The following FOXN3 variants were observed in gnomAD, a reference collection of about 807,000 sequenced individuals.
FOXN3 encodes forkhead box protein N3.
FOXN3 carries 7 observed loss-of-function variants against 38.4 expected under a neutral mutation model. The observed-to-expected ratio is 0.18, with a 90% CI of 0.10 to 0.34. The LOEUF (loss-of-function observed/expected upper bound fraction) is 0.34. Among genes scored for constraint, FOXN3 ranks in the 10% least tolerant of loss-of-function variants. The pLI, the probability that FOXN3 is intolerant of heterozygous loss-of-function variation, is 1.00. For synonymous variants in FOXN3, 230 were observed against 242.2 expected (o/e 0.95, Z 0.47); for missense variants, 456 against 613.4 (o/e 0.74, Z 2.71).
chr14:89,204,636 C>T (rs1478383276), intron 4 of FOXN3, among the ~76,000 whole-genome samples: 2 of 152,164 alleles, frequency 1.3e-5, no homozygotes, highest in African/African-American at 2.4e-5. Context: ...TTATCTTACA[C>T]GGGCCCTTCA....
At chr14:89,208,014 G>C (rs563575698) in intron 4 of FOXN3, among the ~76,000 whole-genome samples, 1 of 152,300 alleles carries the variant, frequency 6.6e-6, no homozygotes, top group South Asian at 2.1e-4. Flanking sequence ...GAGTCTATGC[G>C]GGAGGGGACA....
At chr14:89,197,405 G>T (rs1888125240) in intron 4 of FOXN3, among the ~76,000 whole-genome samples, 1 of 152,076 alleles carries the variant, frequency 6.6e-6, no homozygotes, top group Admixed American at 6.5e-5. Context: ...CACTCGGGAG[G>T]CTGGGGCATA....
At chr14:89,370,421 T>C (rs985201592) in intron 2 of FOXN3, among the ~76,000 whole-genome samples, 1 of 152,232 alleles carries the variant, frequency 6.6e-6, no homozygotes, top group African/African-American at 2.4e-5. Context: ...TTCAGCCCTC[T>C]AGAAATATTT....
At chr14:89,490,213 T>C (rs1054379190) in intron 1 of FOXN3, among the ~76,000 whole-genome samples, 15 of 152,378 alleles carry the variant, frequency 9.8e-5, no homozygotes, top group African/African-American at 3.6e-4. Flanking sequence ...TGCCGTGTCC[T>C]CAGCGACGGC....
rs1896357580 is a variant in FOXN3, at chr14:89,609,977, G to A, written c.-15+9051C>T. Among the ~76,000 whole-genome samples the A allele has an allele frequency of 3.3e-5, 5 of 152,094 alleles. No individual in the cohort carries two copies. The South Asian group carries it at 1.0e-3, about 32-fold the overall frequency. ...TGTAACCGAGGGAGAAAAAAATGAG[G>A]GCCCTTATGGATAATTTCTGCCTAA... On this transcript the variant is annotated intron_variant, in intron 1 of 6. Coordinates refer to the FOXN3 transcript ENST00000345097.
chr14:89,325,351 ACCACCACCACTACCACCACCG>A (rs1888043757), intron 3 of FOXN3, among the ~76,000 whole-genome samples: 1 of 132,580 alleles, frequency 7.5e-6, no homozygotes, highest in African/African-American at 2.8e-5. Context: ...CACCACCACC[ACCACCACCACTACCACCACCG>A]CCACCACCAC....
chr14:89,360,786 T>TCCACCACTACCACCTCCACCA (rs1889504387), intron 2 of FOXN3, among the ~76,000 whole-genome samples: 1 of 14,630 alleles, frequency 6.8e-5, no homozygotes, highest in Non-Finnish European at 1.5e-4. Context: ...CACCACCACC[T>TCCACCACTACCACCTCCACCA]CCACCACCAC....
Position 89,160,845 on chromosome 14 carries a change from T to TA in FOXN3, c.*1568dup, listed in dbSNP as rs1887079657. The TA allele has an allele frequency of 7.0e-6, 1 of 143,854 alleles. No homozygotes were observed. Among genetic ancestry groups the TA allele is most frequent in the African/African-American group, 2.6e-5 (1 of 38,466 alleles). 8.9% of individuals were successfully genotyped at this position (143,854 alleles called of 1,614,324 possible). On this transcript the variant is annotated 3_prime_UTR_variant, in exon 6 of 6. Transcript: ENST00000557258. ...TTTGTCCCTGAAGAAGGTTAAACCT[T>TA]AAACACCTGCTTCAAAAAACCAAAA... is the stretch of plus-strand genomic sequence containing the variant.
At chr14:89,264,802 C>T (rs1193540269) in intron 4 of FOXN3, among the ~76,000 whole-genome samples, 1 of 152,194 alleles carries the variant, frequency 6.6e-6, no homozygotes. Flanking sequence ...AGAATCAGTT[C>T]CTTCTCAAGT....
At chr14:89,421,392 C>T (rs547812599), upstream of FOXN3, among the ~76,000 whole-genome samples, 1 of 151,912 alleles carries the variant, frequency 6.6e-6, no homozygotes, top group Admixed American at 6.5e-5. Context: ...AGGTGATCCG[C>T]CTGCCTCAGC....
In FOXN3 at chr14:89,350,707, G is replaced by A; in HGVS notation, c.645C>T (p.Phe215=). The A allele has an allele frequency of 6.3e-7, 1 of 1,592,204 alleles. No homozygotes were observed. The highest frequency in any genetic ancestry group is 8.5e-7 in the Non-Finnish European group (1 of 1,171,856). ...CCTGAGGACAGGTGGGAGGTGTATTGAACACGTGTGGGTGTGGGTGATAAG... is the reference window on the plus strand; with the variant it reads ...CCTGAGGACAGGTGGGAGGTGTATTAAACACGTGTGGGTGTGGGTGATAAG... ...KTPYHPHPHV[F]NTPPTCPQAY... is the part of the protein sequence containing the mutation. Residue 215 remains phenylalanine, a synonymous_variant, in exon 3 of 6, where the codon TTC becomes TTT. Transcript: ENST00000557258.
chr14:89,440,831 CCT>C (rs1401091831), intron 1 of FOXN3, among the ~76,000 whole-genome samples: 2 of 152,294 alleles, frequency 1.3e-5, no homozygotes, highest in East Asian at 1.9e-4. Flanking sequence ...GCGTTCAACC[CCT>C]GTCAACCTGT....
intron 1 of FOXN3, among the ~76,000 whole-genome samples, chr14:89,572,268 C>CA (rs1895511632): frequency 6.6e-6 from 1 of 152,152 alleles, no homozygotes; most frequent in Admixed American, 6.5e-5. Flanking sequence ...TTAATGTACT[C>CA]AGAGAATATA....
chr14:89,352,071 A>T, intron 2 of FOXN3, among the ~76,000 whole-genome samples: 1 of 152,224 alleles, frequency 6.6e-6, no homozygotes, highest in East Asian at 1.9e-4. Context: ...GAATAGGAGA[A>T]TTGCTCAAAA....
intron 1 of FOXN3, among the ~76,000 whole-genome samples, chr14:89,476,495 G>A (rs958934303): frequency 6.6e-6 from 1 of 152,234 alleles, no homozygotes; most frequent in Non-Finnish European, 1.5e-5. Context: ...TTTGAGCATA[G>A]TTGAGTTTGG....
At chr14:89,372,313 C>T (rs966179320) in intron 2 of FOXN3, among the ~76,000 whole-genome samples, 1 of 152,090 alleles carries the variant, frequency 6.6e-6, no homozygotes, top group African/African-American at 2.4e-5. Context: ...CATGAAAACT[C>T]GATTACAGTA....
intron 1 of FOXN3, among the ~76,000 whole-genome samples, chr14:89,488,342 G>T (rs1207854758): frequency 1.3e-5 from 2 of 151,870 alleles, no homozygotes; most frequent in Admixed American, 6.6e-5. Context: ...GGCACCAGTG[G>T]CTGATGTTTA....
At chr14:89,354,822 T>C (rs1337208099) in intron 2 of FOXN3, among the ~76,000 whole-genome samples, 1 of 151,750 alleles carries the variant, frequency 6.6e-6, no homozygotes, top group African/African-American at 2.4e-5. Context: ...GCCATTGCAC[T>C]CCAGCCTGGG....
intron 4 of FOXN3, among the ~76,000 whole-genome samples, chr14:89,201,756 A>G (rs1800596611): frequency 1.3e-5 from 2 of 152,022 alleles, no homozygotes; most frequent in Non-Finnish European, 2.9e-5. Flanking sequence ...GCTTTCCCCA[A>G]CCATCACTTC....
Sources: gnomAD v4.1 joint callset for allele counts (sites outside exome capture counted in the v4.1 genomes callset) on GRCh38, gnomAD v4.1.1 for gene constraint, MANE v1.5 for transcripts, NCBI Gene and HGNC (gene_info 2026-07-23, HGNC 2026-07-21) for gene names.